PRPSAP2: variants seen among roughly 807,000 people sequenced by gnomAD.
The protein encoded by PRPSAP2 is phosphoribosyl pyrophosphate synthetase associated protein 2, also known as phosphoribosyl pyrophosphate synthase-associated protein 2.
A neutral mutation model predicts 40.6 loss-of-function variants in PRPSAP2; 24 were observed. The ratio of observed to expected loss-of-function variants is 0.59; its 90% CI spans 0.43 to 0.83. The LOEUF is 0.83. Among genes scored for constraint, PRPSAP2 ranks in the 40% least tolerant of loss-of-function variants. The pLI, the probability that PRPSAP2 is intolerant of heterozygous loss-of-function variation, is 0.00. For missense variants in PRPSAP2, 292 were observed against 465.6 expected, an observed-to-expected ratio of 0.63 and a Z score of 3.43; for synonymous variants, 149 against 164.7, an observed-to-expected ratio of 0.90 and a Z score of 0.73.
intron 6 of PRPSAP2, among the ~76,000 whole-genome samples, chr17:18,879,696 C>G (rs1191257182): frequency 6.6e-6 from 1 of 152,090 alleles, no homozygotes; most frequent in Admixed American, 6.6e-5. Flanking sequence ...TCAGGTGATC[C>G]ACCTTCCTCA....
chr17:18,902,826 G>A (rs573571078), intron 8 of PRPSAP2, among the ~76,000 whole-genome samples: 9 of 137,452 alleles, frequency 6.5e-5, no homozygotes, highest in African/African-American at 2.2e-4. Context: ...TCAGGATTGC[G>A]CCATTGTACT....
At chr17:18,927,893 C>G (rs1406436844) in intron 10 of PRPSAP2, among the ~76,000 whole-genome samples, 1 of 152,118 alleles carries the variant, frequency 6.6e-6, no homozygotes, top group Admixed American at 6.6e-5. Flanking sequence ...ATCCTCCTGC[C>G]TCAGCCTCCC....
At chr17:18,878,921 G>A (rs949369104) in intron 6 of PRPSAP2, among the ~76,000 whole-genome samples, 2 of 152,102 alleles carry the variant, frequency 1.3e-5, no homozygotes, top group African/African-American at 4.8e-5. Flanking sequence ...CCAGGCTGGA[G>A]TGCAGTGGTG....
At chr17:18,916,065 A>G (rs2041290665) in intron 9 of PRPSAP2, among the ~76,000 whole-genome samples, 2 of 152,040 alleles carry the variant, frequency 1.3e-5, no homozygotes, top group Non-Finnish European at 2.9e-5. Context: ...CAATCTGCCT[A>G]CCTCGGCCTC....
At chr17:18,859,009 C>T (rs570464294) in intron 1 of PRPSAP2, among the ~76,000 whole-genome samples, 2 of 152,250 alleles carry the variant, frequency 1.3e-5, no homozygotes, top group South Asian at 2.1e-4. Flanking sequence ...GATTTGAGCT[C>T]GTTCCACTTA....
chr17:18,912,482 A>G (rs1435415657), intron 9 of PRPSAP2, among the ~76,000 whole-genome samples: 1 of 152,162 alleles, frequency 6.6e-6, no homozygotes, highest in Non-Finnish European at 1.5e-5. Context: ...CTTACGTGCA[A>G]AATACATTCA....
intron 4 of PRPSAP2, among the ~76,000 whole-genome samples, chr17:18,871,836 T>C (rs1306332163): frequency 3.3e-5 from 5 of 152,058 alleles, no homozygotes; most frequent in Non-Finnish European, 7.4e-5. Context: ...AATTTTGTAT[T>C]TTTAGTAGAG....
Position 18,926,581 on chromosome 17 carries a change from T to TA in PRPSAP2, c.805-2223dup, listed in dbSNP as rs1321015649. On this transcript the variant is annotated intron_variant, in intron 10 of 11. Coordinates refer to ENST00000268835, the MANE Select transcript of PRPSAP2 (RefSeq NM_002767.4). ...TGCACCCAGCCGCCAGTGCATTTTTTAAAAAAACGTTTTTATTTTGAAGTA... is the reference window on the plus strand; with the variant it reads ...TGCACCCAGCCGCCAGTGCATTTTTTAAAAAAAACGTTTTTATTTTGAAGTA... Among the ~76,000 whole-genome samples, 4 of 152,088 alleles carry TA rather than the reference T, an allele frequency of 2.6e-5. No homozygotes were observed. In the East Asian group the frequency reaches 7.7e-4, roughly 29 times the overall value.
intron 1 of PRPSAP2, among the ~76,000 whole-genome samples, chr17:18,862,552 C>T (rs2037106204): frequency 6.6e-6 from 1 of 152,096 alleles, no homozygotes; most frequent in South Asian, 2.1e-4. Flanking sequence ...ATATGCAGGG[C>T]ACTGTGTTAA....
At chr17:18,895,766 C>T (rs1364069098) in intron 8 of PRPSAP2, among the ~76,000 whole-genome samples, 1 of 152,082 alleles carries the variant, frequency 6.6e-6, no homozygotes, top group African/African-American at 2.4e-5. Context: ...GCTGGGATTA[C>T]AGGTGTGTGC....
rs564614019 is a variant in PRPSAP2, at chr17:18,896,180, G to C, written c.584+6303G>C. Among the ~76,000 whole-genome samples the C allele has an allele frequency of 2.7e-4, 41 of 152,310 alleles. No individual in the cohort carries two copies. In the Middle Eastern group the frequency reaches 0.014, roughly 51 times the overall value. ...CAGATTCTACCTCCACCAATTCCCA[G>C]TGTTTGTTGTTGCTGTTGTTTCTGT... On this transcript the variant is annotated intron_variant, in intron 8 of 11. Transcript: ENST00000268835.
chr17:18,887,778 C>G (rs2039271732), intron 7 of PRPSAP2, among the ~76,000 whole-genome samples: 3 of 151,930 alleles, frequency 2.0e-5, no homozygotes, highest in Admixed American at 2.0e-4. Context: ...TTCTTTAGAC[C>G]ATAATAACTT....
intron 9 of PRPSAP2, among the ~76,000 whole-genome samples, chr17:18,916,279 C>T (rs551396109): frequency 1.4e-4 from 21 of 152,168 alleles, no homozygotes; most frequent in Admixed American, 3.3e-4. Context: ...GCCACTCCTG[C>T]ATTGGTGGGT....
intron 5 of PRPSAP2, among the ~76,000 whole-genome samples, chr17:18,874,580 G>T (rs1041748868): frequency 6.6e-5 from 10 of 152,208 alleles, no homozygotes; most frequent in Admixed American, 2.0e-4. Flanking sequence ...TATAGCCCTG[G>T]CAAACGGGTG....
intron 8 of PRPSAP2, among the ~76,000 whole-genome samples, chr17:18,898,747 G>A (rs1161905308): frequency 2.0e-5 from 3 of 152,150 alleles, no homozygotes; most frequent in Non-Finnish European, 4.4e-5. Flanking sequence ...CCTGTTTGGT[G>A]TTTGCTGGAC....
Position 18,920,604 on chromosome 17 carries a change from A to C in PRPSAP2, c.734-3310A>C, listed in dbSNP as rs2041637463. ...TACTAGCAAATAATATATGAAGGGA[A>C]AAGAAAGCATTCTTCCTGTAGCATC... On this transcript the variant is annotated intron_variant, in intron 9 of 11. Transcript: ENST00000268835. Among the ~76,000 whole-genome samples the C allele has an allele frequency of 3.9e-5, 6 of 152,202 alleles. 1 individual carries two copies. In the South Asian group the frequency reaches 1.2e-3, roughly 31 times the overall value.
intron 7 of PRPSAP2, among the ~76,000 whole-genome samples, chr17:18,883,003 GTC>G (rs2038872467): frequency 6.6e-6 from 1 of 152,022 alleles, no homozygotes; most frequent in Non-Finnish European, 1.5e-5. Context: ...TATCCATCCT[GTC>G]TCTCTGTCCA....
At chr17:18,883,867 A>G (rs1387806965) in intron 7 of PRPSAP2, among the ~76,000 whole-genome samples, 3 of 152,176 alleles carry the variant, frequency 2.0e-5, no homozygotes, top group Non-Finnish European at 1.5e-5. Flanking sequence ...CCCATTCTCC[A>G]GCAATTGTTA....
At chr17:18,924,418 T>C (rs1248257490) in intron 10 of PRPSAP2, among the ~76,000 whole-genome samples, 2 of 152,240 alleles carry the variant, frequency 1.3e-5, no homozygotes, top group Non-Finnish European at 2.9e-5. Context: ...ATTTGTGCCT[T>C]GTGCTAAATG....
Sources: allele counts gnomAD v4.1 joint callset (sites outside exome capture counted in the v4.1 genomes callset), GRCh38; gene constraint gnomAD v4.1.1; transcripts MANE v1.5; gene names NCBI Gene and HGNC (gene_info 2026-07-23, HGNC 2026-07-21).